L3MBTL4: variants seen among roughly 807,000 people sequenced by gnomAD.
L3MBTL4 encodes lethal(3)malignant brain tumor-like protein 4.
Under a neutral mutation model 84.5 loss-of-function variants are expected in L3MBTL4, and 70 were observed. The observed-to-expected ratio is 0.83, with a 90% CI of 0.68 to 1.01. The LOEUF (loss-of-function observed/expected upper bound fraction) is 1.01, where lower values mean the gene tolerates loss of function less well. L3MBTL4 is among the 50% of genes least tolerant of loss of function. L3MBTL4 has a pLI of 0.00. For missense variants in L3MBTL4, 715 were observed against 754.8 expected, an observed-to-expected ratio of 0.95 and a Z score of 0.62; for synonymous variants, 274 against 259.8, an observed-to-expected ratio of 1.05 and a Z score of -0.52.
At chr18:6,200,583 CTGTT>C (rs1227953332) in intron 12 of L3MBTL4, among the ~76,000 whole-genome samples, 1 of 152,204 alleles carries the variant, frequency 6.6e-6, no homozygotes, top group African/African-American at 2.4e-5. Context: ...CACAGTCCCA[CTGTT>C]TGTCATATGT....
intron 1 of L3MBTL4, among the ~76,000 whole-genome samples, chr18:6,315,403 T>C (rs550856712): frequency 2.6e-5 from 4 of 152,350 alleles, no homozygotes; most frequent in Non-Finnish European, 4.4e-5. Flanking sequence ...TTAATTGTAT[T>C]AATAGTAGCT....
At chr18:6,352,053 C>G (rs2955984) in intron 1 of L3MBTL4, among the ~76,000 whole-genome samples, 41,364 of 151,840 alleles carry the variant, frequency 0.27, 7,366 homozygotes, top group African/African-American at 0.51. Context: ...CTAATAGCTG[C>G]TACTATAAGT....
intron 1 of L3MBTL4, among the ~76,000 whole-genome samples, chr18:6,349,925 T>TA (rs927990471): frequency 6.6e-5 from 10 of 151,750 alleles, no homozygotes; most frequent in East Asian, 1.9e-4. Context: ...GTTCACTTCA[T>TA]AAAAAAAATA....
At chr18:6,098,280 A>G (rs2058704257) in intron 14 of L3MBTL4, among the ~76,000 whole-genome samples, 1 of 152,172 alleles carries the variant, frequency 6.6e-6, no homozygotes. Context: ...GTAGCTTCCC[A>G]GCCTGTGTGC....
chr18:6,071,134 T>C (rs182258029), intron 16 of L3MBTL4, among the ~76,000 whole-genome samples: 2 of 152,264 alleles, frequency 1.3e-5, no homozygotes, highest in African/African-American at 4.8e-5. Flanking sequence ...CTTATACCTG[T>C]TATCCCAGCA....
chr18:5,959,714 G>A (rs1203951200), intron 18 of L3MBTL4, among the ~76,000 whole-genome samples: 4 of 152,108 alleles, frequency 2.6e-5, no homozygotes, highest in Non-Finnish European at 5.9e-5. Flanking sequence ...AGCCACCAAT[G>A]GAGAGGCCTC....
intron 16 of L3MBTL4, among the ~76,000 whole-genome samples, chr18:6,005,959 T>C (rs1018653878): frequency 5.3e-5 from 8 of 151,956 alleles, no homozygotes; most frequent in African/African-American, 1.9e-4. Flanking sequence ...CCACTAGCAG[T>C]GTATAAGCAT....
chr18:6,408,929 G>A (rs749870313), intron 1 of L3MBTL4, among the ~76,000 whole-genome samples: 5 of 151,922 alleles, frequency 3.3e-5, no homozygotes, highest in East Asian at 3.9e-4. Flanking sequence ...CACCCTCCTC[G>A]GCCTCCCAAA....
chr18:6,287,595 G>A (rs941767265), intron 4 of L3MBTL4, among the ~76,000 whole-genome samples: 1 of 152,116 alleles, frequency 6.6e-6, no homozygotes, highest in Admixed American at 6.5e-5. Flanking sequence ...AAACTCCCAT[G>A]TAAATAACAC....
At chr18:6,408,553 T>A (rs928491698) in intron 1 of L3MBTL4, among the ~76,000 whole-genome samples, 6 of 152,204 alleles carry the variant, frequency 3.9e-5, no homozygotes. Context: ...CCACCTCCTT[T>A]AGAACATATA....
intron 16 of L3MBTL4, among the ~76,000 whole-genome samples, chr18:6,032,850 T>C (rs1598494170): frequency 6.6e-6 from 1 of 152,356 alleles, no homozygotes; most frequent in South Asian, 2.1e-4. Flanking sequence ...AGTTCATCCG[T>C]TTTGTAGCAT....
intron 1 of L3MBTL4, among the ~76,000 whole-genome samples, chr18:6,352,168 C>T (rs1482693735): frequency 1.3e-5 from 2 of 152,182 alleles, no homozygotes; most frequent in Admixed American, 1.3e-4. Context: ...TCTCAGCATT[C>T]TCTGCCAAAT....
At chr18:6,379,493 C>T (rs577890325) in intron 1 of L3MBTL4, among the ~76,000 whole-genome samples, 3 of 152,206 alleles carry the variant, frequency 2.0e-5, no homozygotes, top group South Asian at 4.1e-4. Context: ...TATGTTCCAT[C>T]GATACCTAGT....
In L3MBTL4 at chr18:6,125,935, C is replaced by A. The variant is rs548735616; in HGVS notation, c.1199+12259G>T. 7.9e-5 allele frequency among the ~76,000 whole-genome samples: 12 copies of A among 152,258 alleles called. 1 individual carries two copies. The highest frequency in any genetic ancestry group is 6.5e-4 in the Admixed American group (10 of 15,288). On this transcript the variant is annotated intron_variant, in intron 14 of 18. Transcript: ENST00000317931. The stretch of plus-strand genomic sequence containing the variant: ...GAGTCATTTCTAACTAACATAGAAT[C>A]CAGACCAAAGACACGAATTTATGGA...
chr18:6,189,998 G>A (rs957955051), intron 12 of L3MBTL4, among the ~76,000 whole-genome samples: 1 of 152,068 alleles, frequency 6.6e-6, no homozygotes, highest in Admixed American at 6.5e-5. Flanking sequence ...TCCAAAATGT[G>A]TAATGAATAT....
intron 12 of L3MBTL4, among the ~76,000 whole-genome samples, chr18:6,178,129 C>G (rs1341302649): frequency 6.6e-6 from 1 of 151,918 alleles, no homozygotes; most frequent in Non-Finnish European, 1.5e-5. Flanking sequence ...TTTTTTTTGA[C>G]AGCAGGTACA....
intron 17 of L3MBTL4, among the ~76,000 whole-genome samples, chr18:5,968,982 A>C (rs1333057597): frequency 6.6e-6 from 1 of 152,168 alleles, no homozygotes. Flanking sequence ...CTTGAGGTGC[A>C]GGATGTCCTG....
Position 6,244,548 on chromosome 18 carries a change from C to G in L3MBTL4, c.260G>C (p.Gly87Ala). The G allele has an allele frequency of 1.2e-6, 2 of 1,613,910 alleles. No individual in the cohort carries two copies. The highest frequency in any genetic ancestry group is 1.7e-6 in the Non-Finnish European group (2 of 1,179,856). Residue 87 changes from glycine (G) to alanine (A), a missense_variant, in exon 6 of 19, where the codon GGA (glycine) becomes GCA (alanine). Physicochemically the swap from Gly to Ala is moderately conservative, Grantham distance 60. Coordinates refer to ENST00000317931, the MANE Select transcript of L3MBTL4 (RefSeq NM_001330559.2). ...FPEHENGFQI[G>A]MRLEGIDPRH... Reference sequence around the variant, plus strand: ...GGGATCAATGCCTTCTAATCTCATTCCAATCTGAAAACCATTTTCATGCTC... The same window carrying G: ...GGGATCAATGCCTTCTAATCTCATTGCAATCTGAAAACCATTTTCATGCTC...
intron 13 of L3MBTL4, among the ~76,000 whole-genome samples, chr18:6,149,347 T>G (rs972975697): frequency 1.3e-5 from 2 of 151,992 alleles, no homozygotes; most frequent in Non-Finnish European, 2.9e-5. Context: ...TGGTTTCCAG[T>G]TTCATACATG....
Sources: allele counts gnomAD v4.1 joint callset (sites outside exome capture counted in the v4.1 genomes callset), GRCh38; gene constraint gnomAD v4.1.1; transcripts MANE v1.5; gene names NCBI Gene and HGNC (gene_info 2026-07-23, HGNC 2026-07-21).